The following SUGCT variants were observed in gnomAD, a reference collection of about 807,000 sequenced individuals.
SUGCT encodes the protein succinyl-CoA:glutarate-CoA transferase.
Under a neutral mutation model 55.0 loss-of-function variants are expected in SUGCT, and 41 were observed. That is an observed-to-expected ratio of 0.74 (90% CI 0.58 to 0.97). The LOEUF is 0.97. Among genes scored for constraint, SUGCT ranks in the 50% least tolerant of loss-of-function variants. The pLI is 0.00. For missense variants in SUGCT, 568 were observed against 547.8 expected (o/e 1.04, Z -0.37); for synonymous variants, 187 against 200.4 (o/e 0.93, Z 0.56).
intron 7 of SUGCT, among the ~76,000 whole-genome samples, chr7:40,250,080 C>A (rs1030369958): frequency 1.3e-4 from 20 of 152,106 alleles, no homozygotes; most frequent in Non-Finnish European, 2.4e-4. Context: ...AGCCACTGCG[C>A]CCGGCTTAAT....
chr7:40,386,904 A>G (rs746134911), intron 9 of SUGCT, among the ~76,000 whole-genome samples: 1 of 152,118 alleles, frequency 6.6e-6, no homozygotes, highest in Non-Finnish European at 1.5e-5. Flanking sequence ...GCTTGGGGCA[A>G]TCTTTTTCTT....
intron 9 of SUGCT, among the ~76,000 whole-genome samples, chr7:40,425,336 A>T (rs1583650206): frequency 6.6e-6 from 1 of 152,078 alleles, no homozygotes; most frequent in South Asian, 2.1e-4. Context: ...GTTTTATTAC[A>T]ATCCTCCTAT....
the SUGCT span, among the ~76,000 whole-genome samples, chr7:40,943,839 C>A: frequency 6.6e-6 from 1 of 151,684 alleles, no homozygotes; most frequent in Non-Finnish European, 1.5e-5. Flanking sequence ...GTTCTAGATC[C>A]CTGAGGAATC....
chr7:40,419,526 T>C (rs1201076863), intron 9 of SUGCT, among the ~76,000 whole-genome samples: 1 of 152,244 alleles, frequency 6.6e-6, no homozygotes, highest in Non-Finnish European at 1.5e-5. Context: ...GCTACAAAGC[T>C]GTACAAAGTT....
At chr7:40,179,960 C>A (rs1785104265) in intron 1 of SUGCT, among the ~76,000 whole-genome samples, 1 of 152,222 alleles carries the variant, frequency 6.6e-6, no homozygotes, top group African/African-American at 2.4e-5. Flanking sequence ...ATAGCTGTAA[C>A]AATTTACCAC....
rs189150414 is a variant in SUGCT at position 40,259,738 on chromosome 7, T to C, written c.577-14775T>C. On this transcript the variant is annotated intron_variant, in intron 7 of 13. Transcript: ENST00000335693. ...CCACTCATATATCCACATTTTGTAT[T>C]TTGTGTTATTTGTGAAGATTCTATT... Among the ~76,000 whole-genome samples, 11 of 152,350 alleles carry C rather than the reference T, an allele frequency of 7.2e-5. No individual in the cohort carries two copies. The East Asian group carries it at 2.1e-3, about 29-fold the overall frequency.
chr7:40,150,486 T>C (rs1416629303), intron 1 of SUGCT, among the ~76,000 whole-genome samples: 1 of 152,022 alleles, frequency 6.6e-6, no homozygotes, highest in Non-Finnish European at 1.5e-5. Context: ...CTGGCCAACA[T>C]AGTGAAACCA....
intron 12 of SUGCT, among the ~76,000 whole-genome samples, chr7:40,606,956 G>T (rs1483000067): frequency 6.6e-6 from 1 of 152,120 alleles, no homozygotes; most frequent in Non-Finnish European, 1.5e-5. Flanking sequence ...GTATTCATAT[G>T]CATAATTTGA....
chr7:41,038,602 A>G, the SUGCT span, among the ~76,000 whole-genome samples: 1 of 152,194 alleles, frequency 6.6e-6, no homozygotes, highest in Admixed American at 6.5e-5. Flanking sequence ...CCTCCTCATC[A>G]ACAGTGGAGG....
the SUGCT span, among the ~76,000 whole-genome samples, chr7:40,952,903 A>G: frequency 6.6e-6 from 1 of 151,962 alleles, no homozygotes; most frequent in African/African-American, 2.4e-5. Flanking sequence ...CTTCATTTCA[A>G]CTTTGGTGAA....
chr7:41,003,680 A>C, the SUGCT span, among the ~76,000 whole-genome samples: 2 of 152,134 alleles, frequency 1.3e-5, no homozygotes. Flanking sequence ...TTTGATAGCT[A>C]TCTCTCTCTA....
chr7:40,396,158 T>G (rs1207782857), intron 9 of SUGCT, among the ~76,000 whole-genome samples: 1 of 152,154 alleles, frequency 6.6e-6, no homozygotes, highest in Non-Finnish European at 1.5e-5. Flanking sequence ...GTTCAGAAAG[T>G]GAATTATTTA....
At chr7:40,836,516 G>A (rs1192353357) in intron 13 of SUGCT, among the ~76,000 whole-genome samples, 1 of 152,084 alleles carries the variant, frequency 6.6e-6, no homozygotes, top group African/African-American at 2.4e-5. Context: ...TATCATACAC[G>A]TAGATCCTTG....
chr7:40,899,752 AG>A, the SUGCT span, among the ~76,000 whole-genome samples: 1 of 152,142 alleles, frequency 6.6e-6, no homozygotes, highest in Non-Finnish European at 1.5e-5. Context: ...TAATTTAAAG[AG>A]GAAAAAAAAC....
chr7:40,513,171 G>T (rs191865471), intron 12 of SUGCT, among the ~76,000 whole-genome samples: 1 of 152,058 alleles, frequency 6.6e-6, no homozygotes, highest in East Asian at 1.9e-4. Flanking sequence ...ATCATACATC[G>T]TGTGATTTTT....
intron 1 of SUGCT, among the ~76,000 whole-genome samples, chr7:40,158,516 C>T (rs1194048904): frequency 2.0e-5 from 3 of 152,000 alleles, no homozygotes; most frequent in Non-Finnish European, 2.9e-5. Context: ...TTTGGGAGGC[C>T]GAGGCAGGCA....
At chr7:40,195,981 T>C (rs1331157369) in intron 6 of SUGCT, among the ~76,000 whole-genome samples, 3 of 152,154 alleles carry the variant, frequency 2.0e-5, no homozygotes, top group Admixed American at 6.5e-5. Flanking sequence ...CCCAAAGTGC[T>C]GGGATTAGAG....
At chr7:40,454,739 A>G (rs1789382653) in intron 10 of SUGCT, among the ~76,000 whole-genome samples, 1 of 152,216 alleles carries the variant, frequency 6.6e-6, no homozygotes, top group South Asian at 2.1e-4. Context: ...AAGAATGCCA[A>G]CCTAGATTTC....
chr7:40,365,083 C>G (rs866498429), intron 9 of SUGCT, among the ~76,000 whole-genome samples: 1 of 152,146 alleles, frequency 6.6e-6, no homozygotes, highest in Non-Finnish European at 1.5e-5. Flanking sequence ...TGGGCTTCAT[C>G]CCTGGGATGC....
Sources: gnomAD v4.1 joint callset for allele counts (sites outside exome capture counted in the v4.1 genomes callset) on GRCh38, gnomAD v4.1.1 for gene constraint, MANE v1.5 for transcripts, NCBI Gene and HGNC (gene_info 2026-07-23, HGNC 2026-07-21) for gene names.